The following PRODH2 variants were observed in gnomAD, a reference collection of about 807,000 sequenced individuals.
The protein encoded by PRODH2 is proline dehydrogenase 2, also known as hydroxyproline dehydrogenase.
Under a neutral mutation model 51.9 loss-of-function variants are expected in PRODH2, and 49 were observed. The ratio of observed to expected loss-of-function variants is 0.94; its 90% CI spans 0.75 to 1.20. The LOEUF is 1.20. PRODH2 is among the 50% of genes most tolerant of loss of function. The pLI is 0.00. For missense variants in PRODH2, 597 were observed against 610.9 expected, an observed-to-expected ratio of 0.98 and a Z score of 0.24; for synonymous variants, 249 against 260.7, an observed-to-expected ratio of 0.96 and a Z score of 0.43.
In PRODH2 at chr19:35,800,242, T is replaced by C. The variant is rs373892218; in HGVS notation, c.1199-20A>G. 43 of 1,523,788 alleles carry C rather than the reference T, an allele frequency of 2.8e-5. No individual in the cohort carries two copies. The African/African-American group carries it at 5.7e-4, about 20-fold the overall frequency. 94.4% of individuals were successfully genotyped at this position (1,523,788 alleles called of 1,614,324 possible). On this transcript the variant is annotated intron_variant, in intron 9 of 9. Coordinates refer to ENST00000653904, the MANE Select transcript of PRODH2 (RefSeq NM_021232.2). ...CCTGCCCTGCAGGGAGAGTGGGTTT[T>C]GTTTTTTCGTTTTTGGTGTTTTTCT...
intron 4 of PRODH2, among the ~76,000 whole-genome samples, chr19:35,809,104 C>A (rs912197600): frequency 1.1e-4 from 17 of 149,570 alleles, no homozygotes; most frequent in Middle Eastern, 6.9e-3. Context: ...TTCTTTATTT[C>A]TTTCTTCCTT....
Position 35,803,089 on chromosome 19 carries a change from A to T in PRODH2, c.1002-11T>A, listed in dbSNP as rs1972459234. 2.0e-6 allele frequency: 3 copies of T among 1,524,020 alleles called. No homozygotes were observed. Among genetic ancestry groups the T allele is most frequent in the East Asian group, 4.9e-5 (2 of 40,556 alleles). The allele number at this position is 1,524,020 out of a possible 1,614,324, so 94.4% of individuals were successfully genotyped here. On this transcript the variant is annotated splice_polypyrimidine_tract_variant and intron_variant, in intron 7 of 9. Coordinates refer to ENST00000653904, the MANE Select transcript of PRODH2 (RefSeq NM_021232.2). Reference sequence around the variant, plus strand: ...AGGCAGCGGCTGTAACTGAAGGGAGATGCTCTGTTCAGCTCACCTGGTGAG... The same window carrying T: ...AGGCAGCGGCTGTAACTGAAGGGAGTTGCTCTGTTCAGCTCACCTGGTGAG...
chr19:35,800,378 G>A (rs1712953331), intron 9 of PRODH2, among the ~76,000 whole-genome samples, 156 bp from the exon 10 acceptor site: 1 of 151,998 alleles, frequency 6.6e-6, no homozygotes, highest in African/African-American at 2.4e-5. Context: ...CCTCCAGAAT[G>A]GCTGGGATTA....
chr19:35,802,987 C>G lies in PRODH2; in HGVS notation c.1093G>C (p.Val365Leu). ...TCATACCGCTTGGTTGCCTGGCGAA[C>G]AGATTCCTCATTGTGGGAAGCCACC... The part of the protein sequence containing the change: ...LMVASHNEES[V>L]RQATKRMWEL... Residue 365 changes from valine to leucine, a missense_variant, in exon 8 of 10, where the codon GTT (valine) becomes CTT (leucine). Coordinates refer to ENST00000653904, the MANE Select transcript of PRODH2 (RefSeq NM_021232.2). 1.9e-6 allele frequency: 3 copies of G among 1,565,666 alleles called. No individual in the cohort carries two copies. The highest frequency in any genetic ancestry group is 2.6e-6 in the Non-Finnish European group (3 of 1,150,010).
chr19:35,809,956 T>TG (rs1972576217), intron 4 of PRODH2, among the ~76,000 whole-genome samples: 1 of 5,642 alleles, frequency 1.8e-4, no homozygotes, highest in African/African-American at 5.1e-4. Flanking sequence ...CAGATGCCGC[T>TG]TCAAAAAAAA....
At position 35,803,038 on chromosome 19, in the gene PRODH2, G is replaced by A. The variant is rs765018218; in HGVS notation, c.1042C>T (p.Arg348Cys). 1.5e-5 allele frequency: 23 copies of A among 1,569,788 alleles called. No homozygotes were observed. The highest frequency in any genetic ancestry group is 4.0e-5 in the African/African-American group (3 of 74,270). ...ATGAGGTGGCACATGGGGCCATGGCGGGCCACGTGCGTCAGCATCAGTTCC... is the reference window on the plus strand; with the variant it reads ...ATGAGGTGGCACATGGGGCCATGGCAGGCCACGTGCGTCAGCATCAGTTCC... The part of the protein sequence containing the change: ...CLELMLTHVA[R>C]HGPMCHLMVA... Residue 348 changes from arginine (R) to cysteine (C), a missense_variant, in exon 8 of 10, where the codon CGC becomes TGC. By Grantham distance (180) the Arg-to-Cys change is radical. Transcript: ENST00000653904.
intron 7 of PRODH2, among the ~76,000 whole-genome samples, chr19:35,804,053 T>A (rs897677721): frequency 3.9e-5 from 6 of 152,138 alleles, no homozygotes; most frequent in African/African-American, 1.4e-4. Flanking sequence ...GTGTCTCACC[T>A]CGGCCCCTCC....
chr19:35,803,106 C>T, intron 7 of PRODH2, 28 bp from the exon 8 acceptor site: 3 of 1,477,594 alleles, frequency 2.0e-6, no homozygotes, highest in Non-Finnish European at 2.7e-6. Context: ...GTTCAGCTCA[C>T]CTGGTGAGCG....
In PRODH2 at chr19:35,805,586, GT is replaced by G. The variant is rs200409573; in HGVS notation, c.1001+843del. 2.4e-3 allele frequency among the ~76,000 whole-genome samples: 366 copies of G among 152,196 alleles called. 6 individuals are homozygous for G. In the East Asian group the frequency reaches 0.04, roughly 16 times the overall value. On this transcript the variant is annotated intron_variant, in intron 7 of 9. Transcript: ENST00000653904. ...CCGGCCATAATTTTTTGTGTTTAAT[GT>G]TTTTTACAGATGGGGTCTTGCTATG...
rs781561374 is a variant in PRODH2, at chr19:35,799,993, C to G, written c.*45G>C. ...CGTCAGTGCAGGACAGCAGCTTAGG[C>G]AGCACCTAAGGACTTTTATTGACCA... On this transcript the variant is annotated 3_prime_UTR_variant, in exon 10 of 10. Coordinates refer to ENST00000653904, the MANE Select transcript of PRODH2 (RefSeq NM_021232.2). 2 of 1,550,388 alleles carry G rather than the reference C, an allele frequency of 1.3e-6. No individual in the cohort carries two copies. The highest frequency in any genetic ancestry group is 1.7e-6 in the Non-Finnish European group (2 of 1,143,588).
At chr19:35,803,554 C>T (rs1972465628) in intron 7 of PRODH2, among the ~76,000 whole-genome samples, 1 of 152,186 alleles carries the variant, frequency 6.6e-6, no homozygotes, top group African/African-American at 2.4e-5. Flanking sequence ...CGCACCCGGC[C>T]CCATGTTAAT....
intron 5 of PRODH2, 60 bp downstream of exon 5, chr19:35,806,981 C>A (rs1029422501): frequency 6.5e-7 from 1 of 1,544,018 alleles, no homozygotes; most frequent in Non-Finnish European, 8.7e-7. Context: ...GTTACCTGTG[C>A]CACCCAATGC....
Position 35,808,935 on chromosome 19 carries a change from A to G in PRODH2, c.598-1814T>C, listed in dbSNP as rs144059280. On this transcript the variant is annotated intron_variant, in intron 4 of 9. Coordinates refer to ENST00000653904, the MANE Select transcript of PRODH2 (RefSeq NM_021232.2). ...ACTGGGGCTACAGGCACGTGCCACC[A>G]CTTCTGGATAAGTTTTATATTTTTA... Among the ~76,000 whole-genome samples, 74 of 150,620 alleles carry G rather than the reference A, an allele frequency of 4.9e-4. 1 individual carries two copies. The East Asian group carries it at 0.013, about 27-fold the overall frequency.
At chr19:35,811,875 C>A in intron 4 of PRODH2, 87 bp downstream of exon 4, 4 of 1,304,392 alleles carry the variant, frequency 3.1e-6, no homozygotes, top group South Asian at 1.3e-5. Context: ...TGGAGGTGGC[C>A]GTAGCATTTT....
At chr19:35,801,789 T>G (rs767818945) in intron 9 of PRODH2, 1 of 191,696 alleles carries the variant, frequency 5.2e-6, no homozygotes, top group Non-Finnish European at 1.1e-5. Flanking sequence ...AATCCACCTC[T>G]GCGAAGTTGG....
At chr19:35,805,002 T>G (rs1285340939) in intron 7 of PRODH2, among the ~76,000 whole-genome samples, 2 of 152,032 alleles carry the variant, frequency 1.3e-5, no homozygotes, top group Non-Finnish European at 2.9e-5. Flanking sequence ...TGATTCCATT[T>G]ATAAGATTGT....
At position 35,812,194 on chromosome 19, in the gene PRODH2, G is replaced by C. The variant is rs1441193339; in HGVS notation, c.450C>G (p.Ser150Arg). 3 of 1,614,132 alleles carry C rather than the reference G, an allele frequency of 1.9e-6. No individual in the cohort carries two copies. In the South Asian group the frequency reaches 3.3e-5, roughly 18 times the overall value. ...DLSRGLLEPP[S>R]LAEASLMQLK... ...GCTGCATGAGGCTGGCCTCAGCCAG[G>C]CTGGGGGGCTCCAGGAGGCCCCGTG... is the stretch of plus-strand genomic sequence containing the variant. Residue 150 changes from serine (S) to arginine (R), a missense_variant, in exon 3 of 10, where the codon AGC (serine) becomes AGG (arginine). Physicochemically the swap from Ser to Arg is moderately radical, Grantham distance 110 (BLOSUM62 -1). Coordinates refer to ENST00000653904, the MANE Select transcript of PRODH2 (RefSeq NM_021232.2).
In PRODH2 at chr19:35,806,425, C is replaced by A; in HGVS notation, c.1001+5G>T. On this transcript the variant is annotated splice_donor_5th_base_variant and intron_variant, in intron 7 of 9. Coordinates refer to ENST00000653904, the MANE Select transcript of PRODH2 (RefSeq NM_021232.2). ...TCCTGCAGAGGCCAGCTGGCCCGGG[C>A]CTACCTCTGACTGGTGGCCTCATAG... The A allele has an allele frequency of 6.2e-7, 1 of 1,614,008 alleles. No homozygotes were observed. Among genetic ancestry groups the A allele is most frequent in the Non-Finnish European group, 8.5e-7 (1 of 1,180,018 alleles).
chr19:35,808,742 C>T (rs1265113655), intron 4 of PRODH2, among the ~76,000 whole-genome samples: 1 of 151,850 alleles, frequency 6.6e-6, no homozygotes, highest in Non-Finnish European at 1.5e-5. Context: ...TAAACCTCAG[C>T]CTTTCCAGAG....
Sources: allele counts gnomAD v4.1 joint callset (sites outside exome capture counted in the v4.1 genomes callset), GRCh38; gene constraint gnomAD v4.1.1; transcripts MANE v1.5; gene names NCBI Gene and HGNC (gene_info 2026-07-23, HGNC 2026-07-21).